ALPL: variants seen among roughly 807,000 people sequenced by gnomAD.
ALPL encodes the protein alkaline phosphatase, tissue-nonspecific isozyme.
ALPL carries 42 observed loss-of-function variants against 51.3 expected under a neutral mutation model. The observed-to-expected ratio is 0.82, with a 90% CI of 0.64 to 1.06. The LOEUF is 1.06. ALPL is among the 50% of genes least tolerant of loss of function. ALPL has a pLI of 0.00. For missense variants in ALPL, 589 were observed against 709.4 expected (o/e 0.83, Z 1.93); for synonymous variants, 279 against 296.4 (o/e 0.94, Z 0.60).
At chr1:21,565,103 A>C (rs1248040547) in intron 6 of ALPL, among the ~76,000 whole-genome samples, 1 of 152,084 alleles carries the variant, frequency 6.6e-6, no homozygotes. Context: ...CCCCCTGCCC[A>C]GCTACACCTC....
chr1:21,515,742 G>T (rs1438991187), intron 1 of ALPL, among the ~76,000 whole-genome samples: 1 of 152,164 alleles, frequency 6.6e-6, no homozygotes, highest in Non-Finnish European at 1.5e-5. Context: ...ACCTTTACTA[G>T]GTCAGTAAAG....
intron 1 of ALPL, among the ~76,000 whole-genome samples, chr1:21,550,482 G>GTGCA (rs1464419286): frequency 6.6e-6 from 1 of 152,158 alleles, no homozygotes; most frequent in Non-Finnish European, 1.5e-5. Flanking sequence ...GAACTATGGA[G>GTGCA]TGCAGCACAT....
intron 4 of ALPL, among the ~76,000 whole-genome samples, chr1:21,562,061 C>T (rs531706064): frequency 6.6e-6 from 1 of 152,258 alleles, no homozygotes; most frequent in East Asian, 1.9e-4. Context: ...AGCTATACTT[C>T]GGGTTTGGTT....
chr1:21,550,844 G>A (rs80256658), intron 1 of ALPL, among the ~76,000 whole-genome samples: 4,348 of 152,298 alleles, frequency 0.029, 120 homozygotes, highest in Non-Finnish European at 0.038. Context: ...CATTCATGTT[G>A]TTGTGAGGAG....
At chr1:21,521,385 A>G (rs1191591369) in intron 1 of ALPL, among the ~76,000 whole-genome samples, 1 of 152,060 alleles carries the variant, frequency 6.6e-6, no homozygotes, top group Non-Finnish European at 1.5e-5. Context: ...GGGTTTCATC[A>G]TGTTGGCCAG....
At position 21,515,779 on chromosome 1, in the gene ALPL, C is replaced by T. The variant is rs147761208; in HGVS notation, c.-105+6262C>T. Reference sequence around the variant, plus strand: ...CACAGGGTGGGTACCACTTAGCTCTCAGGCTGACGTTCTCAGGCCTCTTGC... The same window carrying T: ...CACAGGGTGGGTACCACTTAGCTCTTAGGCTGACGTTCTCAGGCCTCTTGC... On this transcript the variant is annotated intron_variant, in intron 1 of 11. Transcript: ENST00000374840. Among the ~76,000 whole-genome samples the T allele has an allele frequency of 1.6e-3, 245 of 152,358 alleles. 3 individuals are homozygous for T. Among genetic ancestry groups the T allele is most frequent in the African/African-American group, 5.7e-3 (235 of 41,578 alleles).
intron 2 of ALPL, among the ~76,000 whole-genome samples, chr1:21,558,922 A>G (rs1644448138): frequency 6.6e-6 from 1 of 152,118 alleles, no homozygotes; most frequent in South Asian, 2.1e-4. Context: ...CAGGCTCTCC[A>G]TTTCCTAATG....
chr1:21,563,908 GA>G (rs1644523994), intron 5 of ALPL, 132 bp from the exon 6 acceptor site: 2 of 1,167,816 alleles, frequency 1.7e-6, no homozygotes, highest in Admixed American at 4.1e-5. Context: ...TGTGGATGGG[GA>G]GACTGAGACC....
intron 1 of ALPL, among the ~76,000 whole-genome samples, chr1:21,510,520 G>A (rs149366512): frequency 2.4e-3 from 369 of 152,040 alleles, no homozygotes; most frequent in African/African-American, 3.4e-3. Context: ...GTTTTTTGAA[G>A]GCCTACCGTG....
chr1:21,559,925 C>G (rs956127652), intron 2 of ALPL, among the ~76,000 whole-genome samples: 1 of 152,180 alleles, frequency 6.6e-6, no homozygotes, highest in Non-Finnish European at 1.5e-5. Context: ...TCTTAGTTCT[C>G]ATTTTATCTC....
At chr1:21,576,724 C>A in intron 11 of ALPL, 83 bp downstream of exon 11, 1 of 1,583,064 alleles carries the variant, frequency 6.3e-7, no homozygotes, top group South Asian at 1.1e-5. Flanking sequence ...AGCTTGTGGT[C>A]AAGGTCAGGG....
At chr1:21,575,997 G>A (rs530336352) in intron 10 of ALPL, 73 bp downstream of exon 10, 45 of 1,563,776 alleles carry the variant, frequency 2.9e-5, no homozygotes, top group Non-Finnish European at 3.8e-5. Flanking sequence ...GAGTGGGTGG[G>A]AGAGCCAGCA....
In ALPL at chr1:21,543,447, G is replaced by A. The variant is rs1053552315; in HGVS notation, c.-104-10531G>A. On this transcript the variant is annotated intron_variant, in intron 1 of 11. Transcript: ENST00000374840. ...TACTTCTCAGGTCATGATAAAGACC[G>A]GCCGGGCAGAAACACTGTAATCCCA... Among the ~76,000 whole-genome samples, 6 of 151,850 alleles carry A rather than the reference G, an allele frequency of 4.0e-5. No individual in the cohort carries two copies. In the East Asian group the frequency reaches 5.9e-4, roughly 15 times the overall value.
chr1:21,509,360 G>A (rs1018130987), upstream of ALPL: 2 of 147,700 alleles, frequency 1.4e-5, no homozygotes, highest in Admixed American at 1.3e-4. This position sits in a 1 kb window ranked among gnomAD's most constrained non-coding sequence, Gnocchi z 6.0. Flanking sequence ...GAGGGGGCGG[G>A]CTGCCCGGGC....
intron 2 of ALPL, among the ~76,000 whole-genome samples, chr1:21,554,910 TTTTC>T (rs149848494): frequency 0.48 from 64,828 of 136,236 alleles, 16,096 homozygotes; most frequent in East Asian, 0.64. Context: ...TTTCTTTCTC[TTTTC>T]TTTCTTTCTT....
Position 21,556,226 on chromosome 1 carries a change from T to G in ALPL, c.61+2084T>G, listed in dbSNP as rs190584021. On this transcript the variant is annotated intron_variant, in intron 2 of 11. Coordinates refer to ENST00000374840, the MANE Select transcript of ALPL (RefSeq NM_000478.6). ...TTATACTATAAATTCAGATCCCCAC[T>G]TAGACCTGGCTCAGATTTGACTTGA... is the stretch of plus-strand genomic sequence containing the variant. Among the ~76,000 whole-genome samples the G allele has an allele frequency of 4.2e-4, 64 of 152,344 alleles. No homozygotes were observed. In the East Asian group the frequency reaches 0.012, roughly 28 times the overall value.
rs916300043 is a variant in ALPL at position 21,563,234 on chromosome 1, C to A, written c.422C>A (p.Thr141Asn). 1.9e-6 allele frequency: 3 copies of A among 1,613,806 alleles called. No homozygotes were observed. The highest frequency in any genetic ancestry group is 2.5e-6 in the Non-Finnish European group (3 of 1,179,956). ...GCCACTGAGCGTTCCCGGTGCAACA[C>A]CACCCAGGGGAACGAGGTCACCTCC... ...SAATERSRCNTTQGNEVTSIL... is the reference protein window; with the variant it reads ...SAATERSRCNNTQGNEVTSIL... The change falls in exon 5 of 12, where the codon ACC becomes AAC. Residue 141 changes from threonine (T) to asparagine (N), a missense_variant. Thr to Asn is a moderately conservative substitution (Grantham distance 65, BLOSUM62 0). Coordinates refer to ENST00000374840, the MANE Select transcript of ALPL (RefSeq NM_000478.6).
chr1:21,574,058 C>G, intron 9 of ALPL: 1 of 985,464 alleles, frequency 1.0e-6, no homozygotes, highest in Non-Finnish European at 1.2e-6. Context: ...GATTTCTCCC[C>G]TTTGGTAGTC....
At chr1:21,577,141 C>T (rs1050803799) in intron 11 of ALPL, among the ~76,000 whole-genome samples, 1 of 152,212 alleles carries the variant, frequency 6.6e-6, no homozygotes, top group Non-Finnish European at 1.5e-5. Context: ...CCCTGCTAAT[C>T]CAAGCAGCCC....
Sources: allele counts gnomAD v4.1 joint callset (sites outside exome capture counted in the v4.1 genomes callset), GRCh38; gene constraint gnomAD v4.1.1; non-coding constraint Gnocchi (gnomAD v3.1); transcripts MANE v1.5; gene names NCBI Gene and HGNC (gene_info 2026-07-23, HGNC 2026-07-21).